Variants in PRDM10 observed in about 807,000 individuals in gnomAD.
PRDM10 encodes PR/SET domain 10.
A neutral mutation model predicts 133.1 loss-of-function variants in PRDM10; 65 were observed. The observed-to-expected ratio is 0.49, with a 90% CI of 0.40 to 0.60. The LOEUF (loss-of-function observed/expected upper bound fraction) is 0.60, where lower values mean the gene tolerates loss of function less well. Ranked by LOEUF, PRDM10 falls within the 20% of genes least tolerant of loss-of-function variation. PRDM10 has a pLI of 0.00. For missense variants in PRDM10, 1,137 were observed against 1,507.1 expected (o/e 0.75, Z 4.07); for synonymous variants, 582 against 580.4 (o/e 1.00, Z -0.04).
chr11:129,937,096 A>G (rs1326280954), intron 8 of PRDM10, among the ~76,000 whole-genome samples: 1 of 152,202 alleles, frequency 6.6e-6, no homozygotes, highest in Admixed American at 6.5e-5. Context: ...GTCAGGAGAG[A>G]GTTACGCTTG....
At chr11:130,002,098 C>T (rs917186564) in intron 1 of PRDM10, among the ~76,000 whole-genome samples, 2 of 151,056 alleles carry the variant, frequency 1.3e-5, no homozygotes, top group Admixed American at 6.6e-5. Context: ...CGCCCGCAAC[C>T]GGCCAGCCCC....
At chr11:129,934,880 C>T (rs1257919186) in intron 9 of PRDM10, among the ~76,000 whole-genome samples, 3 of 152,222 alleles carry the variant, frequency 2.0e-5, no homozygotes, top group African/African-American at 7.2e-5. Context: ...AAGGTGAAAG[C>T]ATCTCCCATT....
intron 1 of PRDM10, among the ~76,000 whole-genome samples, chr11:129,976,981 G>C (rs7938742): frequency 0.24 from 36,054 of 151,834 alleles, 7,360 homozygotes; most frequent in East Asian, 0.57. Context: ...CAACTCCCTT[G>C]ACCTTGCCTG....
At chr11:129,960,820 T>C in intron 2 of PRDM10, 76 bp downstream of exon 2, 1 of 1,452,616 alleles carries the variant, frequency 6.9e-7, no homozygotes, top group Non-Finnish European at 9.6e-7. Context: ...AGATAGCAGC[T>C]GTATTTCTTT....
intron 7 of PRDM10, among the ~76,000 whole-genome samples, chr11:129,941,678 C>T (rs556709750): frequency 6.6e-6 from 1 of 152,282 alleles, no homozygotes; most frequent in Admixed American, 6.5e-5. Flanking sequence ...ACTTTCAGTA[C>T]AGTATTCAAT....
chr11:129,998,323 G>C (rs1315208094), intron 1 of PRDM10, among the ~76,000 whole-genome samples: 1 of 151,872 alleles, frequency 6.6e-6, no homozygotes, highest in East Asian at 1.9e-4. Context: ...ATCACAGCAG[G>C]AAAGAAGCTG....
chr11:129,921,038 C>CT (rs1950508798), intron 13 of PRDM10, among the ~76,000 whole-genome samples: 1 of 152,188 alleles, frequency 6.6e-6, no homozygotes. Flanking sequence ...CTCAGGTGAT[C>CT]TGCCCACCTT....
At chr11:129,943,945 T>C (rs1951303007) in intron 6 of PRDM10, among the ~76,000 whole-genome samples, 1 of 151,928 alleles carries the variant, frequency 6.6e-6, no homozygotes. Flanking sequence ...TGAGCTGAGA[T>C]TGCACCACTG....
chr11:129,956,764 G>A (rs530756413), intron 3 of PRDM10, among the ~76,000 whole-genome samples: 15 of 152,198 alleles, frequency 9.9e-5, no homozygotes, highest in African/African-American at 2.6e-4. Context: ...CTAATTAGGC[G>A]GGCCTCATTT....
chr11:129,915,613 C>G (rs1162310017), intron 16 of PRDM10, 47 bp downstream of exon 16: 1 of 1,516,428 alleles, frequency 6.6e-7, no homozygotes, highest in Non-Finnish European at 8.8e-7. Flanking sequence ...TAAGAGATTC[C>G]TCGCATGGCG....
chr11:129,950,321 C>T (rs965289094), intron 4 of PRDM10, among the ~76,000 whole-genome samples: 1 of 152,174 alleles, frequency 6.6e-6, no homozygotes, highest in Non-Finnish European at 1.5e-5. Context: ...GAGCGTTACC[C>T]AACATTTGAA....
intron 1 of PRDM10, among the ~76,000 whole-genome samples, chr11:129,970,543 A>AT (rs1951997301): frequency 7.0e-6 from 1 of 143,052 alleles, no homozygotes; most frequent in Non-Finnish European, 1.5e-5. Context: ...ATCATACCCA[A>AT]CCTTTTTTTT....
intron 14 of PRDM10, among the ~76,000 whole-genome samples, chr11:129,917,897 G>A (rs551969555): frequency 8.8e-4 from 134 of 152,348 alleles, no homozygotes; most frequent in Non-Finnish European, 1.5e-3. Context: ...CTGGGAGGCT[G>A]AGGCAGGTGG....
Position 129,947,107 on chromosome 11 carries a change from A to G in PRDM10, c.520+38T>C. The G allele has an allele frequency of 1.2e-6, 2 of 1,606,430 alleles. No individual in the cohort carries two copies. Among genetic ancestry groups the G allele is most frequent in the Non-Finnish European group, 1.7e-6 (2 of 1,175,668 alleles). On this transcript the variant is annotated intron_variant, in intron 5 of 20. Transcript: ENST00000360871. This position sits in a 1 kb window ranked among gnomAD's most constrained non-coding sequence, Gnocchi z 4.6. The stretch of plus-strand genomic sequence containing the variant: ...ACACGTACACAGACACACAAGATGG[A>G]CACAGCTTCCCTGGGGGAGACCCGT...
At chr11:129,946,585 G>A (rs192330236) in intron 5 of PRDM10, among the ~76,000 whole-genome samples, 55 of 152,266 alleles carry the variant, frequency 3.6e-4, no homozygotes, top group Non-Finnish European at 7.4e-4. Flanking sequence ...GATCAAGGGC[G>A]CTGCCGAGGG....
At chr11:129,995,624 C>T (rs1432333665) in intron 1 of PRDM10, among the ~76,000 whole-genome samples, 1 of 151,764 alleles carries the variant, frequency 6.6e-6, no homozygotes, top group Admixed American at 6.6e-5. Flanking sequence ...AGAATTTGCA[C>T]ACAAAAATAA....
chr11:129,906,378 C>T (rs1263125120), intron 19 of PRDM10, among the ~76,000 whole-genome samples: 1 of 152,102 alleles, frequency 6.6e-6, no homozygotes. Flanking sequence ...TTAGAAGAGG[C>T]TCCTACAAAC....
At chr11:129,979,916 C>T (rs948219572) in intron 1 of PRDM10, among the ~76,000 whole-genome samples, 15 of 152,356 alleles carry the variant, frequency 9.8e-5, no homozygotes, top group African/African-American at 3.1e-4. Context: ...GTTCCTTAGG[C>T]ATATGTCCCC....
At chr11:129,922,220 T>G (rs1051316392) in intron 13 of PRDM10, among the ~76,000 whole-genome samples, 4 of 152,214 alleles carry the variant, frequency 2.6e-5, no homozygotes, top group African/African-American at 9.6e-5. Context: ...AAAGAAATTT[T>G]AAAGAAATAT....
Sources: allele counts gnomAD v4.1 joint callset (sites outside exome capture counted in the v4.1 genomes callset), GRCh38; gene constraint gnomAD v4.1.1; non-coding constraint Gnocchi (gnomAD v3.1); transcripts MANE v1.5; gene names NCBI Gene and HGNC (gene_info 2026-07-23, HGNC 2026-07-21).